PIAS4: variants seen among roughly 807,000 people sequenced by gnomAD.
PIAS4 encodes E3 SUMO-protein ligase PIAS4.
A neutral mutation model predicts 58.0 loss-of-function variants in PIAS4; 7 were observed. The ratio of observed to expected loss-of-function variants is 0.12; its 90% CI spans 0.07 to 0.23. The LOEUF is 0.23. PIAS4 is among the 10% of genes least tolerant of loss of function. The probability of loss-of-function intolerance (pLI) is 1.00; values close to 1 mark genes in which losing one functional copy is unlikely to be tolerated. For synonymous variants in PIAS4, 364 were observed against 312.4 expected (o/e 1.17, Z -1.74); for missense variants, 550 against 709.5 (o/e 0.78, Z 2.55).
At chr19:4,021,610 G>A (rs1371413718) in intron 2 of PIAS4, among the ~76,000 whole-genome samples, 1 of 152,112 alleles carries the variant, frequency 6.6e-6, no homozygotes, top group Non-Finnish European at 1.5e-5. Flanking sequence ...TGGTATCAGA[G>A]TTATGCTGGC....
chr19:4,027,110 C>T (rs34483923), intron 3 of PIAS4, among the ~76,000 whole-genome samples: 5,021 of 152,244 alleles, frequency 0.033, 118 homozygotes, highest in Middle Eastern at 0.085. Context: ...CCTCGGCCTC[C>T]CAAAGTGCTG....
chr19:4,018,135 CTG>C (rs1178757907), intron 2 of PIAS4, among the ~76,000 whole-genome samples: 4 of 152,256 alleles, frequency 2.6e-5, no homozygotes, highest in African/African-American at 4.8e-5. Context: ...TAAAAACTCC[CTG>C]TGTTTCATTT....
At position 4,037,902 on chromosome 19, in the gene PIAS4, G is replaced by T. The variant is rs2040318766; in HGVS notation, c.*27G>T. ...CCCGGCCGCACACTCGACTTTCCTG[G>T]TGCTCACCACGCAGAGGGGCACGGG... On this transcript the variant is annotated 3_prime_UTR_variant, in exon 11 of 11. Coordinates refer to ENST00000262971, the MANE Select transcript of PIAS4 (RefSeq NM_015897.4). The surrounding 1 kb of genome is among the most constrained non-coding windows in gnomAD (Gnocchi z 5.8). 6.4e-7 allele frequency: 1 copy of T among 1,565,790 alleles called. No individual in the cohort carries two copies. The highest frequency in any genetic ancestry group is 8.6e-7 in the Non-Finnish European group (1 of 1,162,126).
rs952697049 is a variant in PIAS4 at position 4,038,082 on chromosome 19, CA to C, written c.*213del. On this transcript the variant is annotated 3_prime_UTR_variant, in exon 11 of 11. Coordinates refer to ENST00000262971, the MANE Select transcript of PIAS4 (RefSeq NM_015897.4). This position sits in a 1 kb window ranked among gnomAD's most constrained non-coding sequence, Gnocchi z 4.1. ...AAAAGTAAAATGACAAAAAAAGATA[CA>C]AAAAAGAAAAATGAAACAAAAAAGT... 1 of 551,320 alleles carries C rather than the reference CA, an allele frequency of 1.8e-6. No homozygotes were observed. The highest frequency in any genetic ancestry group is 3.1e-6 in the Non-Finnish European group (1 of 325,448). The allele number at this position is 551,320 out of a possible 1,614,324, so 34.2% of individuals were successfully genotyped here.
intron 1 of PIAS4, among the ~76,000 whole-genome samples, chr19:4,009,098 C>G (rs1175941531): frequency 6.6e-6 from 1 of 152,082 alleles, no homozygotes; most frequent in Non-Finnish European, 1.5e-5. Flanking sequence ...TTAGAAGTGC[C>G]CGCAAGGCCA....
intron 1 of PIAS4, among the ~76,000 whole-genome samples, chr19:4,009,368 T>G (rs2039972243): frequency 2.0e-5 from 3 of 152,120 alleles, no homozygotes; most frequent in Non-Finnish European, 4.4e-5. Flanking sequence ...AGGCCTGAAC[T>G]CTGTAAACCC....
chr19:4,016,060 G>A (rs558365005), intron 2 of PIAS4, among the ~76,000 whole-genome samples: 3 of 152,346 alleles, frequency 2.0e-5, no homozygotes, highest in African/African-American at 7.2e-5. Flanking sequence ...CTCCCGAGCC[G>A]ACTGGCTCCT....
chr19:4,008,585 C>T (rs1332903296), intron 1 of PIAS4, among the ~76,000 whole-genome samples: 1 of 152,134 alleles, frequency 6.6e-6, no homozygotes, highest in Admixed American at 6.5e-5. Flanking sequence ...TCTTTATTCT[C>T]CTTTTTTTAA....
intron 2 of PIAS4, among the ~76,000 whole-genome samples, chr19:4,015,471 T>C (rs1305833128): frequency 6.6e-6 from 1 of 152,102 alleles, no homozygotes; most frequent in Non-Finnish European, 1.5e-5. Flanking sequence ...CCACCCTGCC[T>C]CTCTCTCCCA....
chr19:4,037,487 G>T lies in PIAS4; in HGVS notation c.1256G>T (p.Gly419Val), dbSNP rs2040311787. Reference sequence around the variant, plus strand: ...AAGGAGCGCAGCTGCAGCCCGCAGGGCGCCATCCTCGTGCTGGGTGAGTGC... The same window carrying T: ...AAGGAGCGCAGCTGCAGCCCGCAGGTCGCCATCCTCGTGCTGGGTGAGTGC... Reference protein sequence around the residue: ...AEKERSCSPQGAILVLGPSDA... With the variant: ...AEKERSCSPQVAILVLGPSDA... The change falls in exon 10 of 11, where the codon GGC becomes GTC. Residue 419 changes from glycine (G) to valine (V), a missense_variant. Physicochemically the swap from Gly to Val is moderately radical, Grantham distance 109. Around this residue, in one of 4 missense-constraint regions of PIAS4, gnomAD observed 188 missense variants for 192.0 expected, o/e 0.98. Coordinates refer to ENST00000262971, the MANE Select transcript of PIAS4 (RefSeq NM_015897.4). This position sits in a 1 kb window ranked among gnomAD's most constrained non-coding sequence, Gnocchi z 5.8. The T allele has an allele frequency of 2.5e-6, 4 of 1,610,810 alleles. No individual in the cohort carries two copies. The highest frequency in any genetic ancestry group is 1.3e-5 in the African/African-American group (1 of 74,916).
chr19:4,030,777 A>G (rs8109122), intron 7 of PIAS4, among the ~76,000 whole-genome samples: 116,838 of 152,152 alleles, frequency 0.77, 49,559 homozygotes, highest in East Asian at 0.96. Context: ...CTTCAGGAGA[A>G]TAGATCTGAG....
Position 4,037,091 on chromosome 19 carries a change from C to G in PIAS4, c.1143-283C>G, listed in dbSNP as rs149869880. On this transcript the variant is annotated intron_variant, in intron 9 of 10. Coordinates refer to ENST00000262971, the MANE Select transcript of PIAS4 (RefSeq NM_015897.4). This position sits in a 1 kb window ranked among gnomAD's most constrained non-coding sequence, Gnocchi z 5.8. ...GGAGGACCCCTGCAGCTGCCACACTCCCTGCTCTTGTGGGTAGTTGGGGGC... is the reference window on the plus strand; with the variant it reads ...GGAGGACCCCTGCAGCTGCCACACTGCCTGCTCTTGTGGGTAGTTGGGGGC... 5.9e-5 allele frequency among the ~76,000 whole-genome samples: 9 copies of G among 152,378 alleles called. No individual in the cohort carries two copies. Among genetic ancestry groups the G allele is most frequent in the Non-Finnish European group, 8.8e-5 (6 of 68,036 alleles).
At position 4,036,618 on chromosome 19, in the gene PIAS4, C is replaced by T. The variant is rs952325049; in HGVS notation, c.1143-756C>T. Among the ~76,000 whole-genome samples the T allele has an allele frequency of 2.8e-4, 39 of 140,758 alleles. 2 individuals carry two copies. The South Asian group carries it at 3.5e-3, about 13-fold the overall frequency. 92.3% of individuals were successfully genotyped at this position (140,758 alleles called of 152,430 possible). On this transcript the variant is annotated intron_variant, in intron 9 of 10. Transcript: ENST00000262971. ...TACACACACACATCTATACAGTCCA[C>T]ACCGTCTCACATCTATACAGTCCAC...
chr19:4,008,329 C>A (rs2039962626), intron 1 of PIAS4, among the ~76,000 whole-genome samples: 2 of 152,094 alleles, frequency 1.3e-5, no homozygotes, highest in Non-Finnish European at 2.9e-5. Context: ...TGGATAGTGT[C>A]CTGCCACCGT....
chr19:4,025,493 C>G (rs1413287938), intron 3 of PIAS4, among the ~76,000 whole-genome samples: 1 of 152,156 alleles, frequency 6.6e-6, no homozygotes, highest in African/African-American at 2.4e-5. Context: ...GGCCGGGCGC[C>G]CCCATTTAAT....
intron 2 of PIAS4, among the ~76,000 whole-genome samples, chr19:4,022,681 TGTTTTTTTGG>T (rs1014069086): frequency 9.9e-5 from 15 of 151,902 alleles, no homozygotes; most frequent in African/African-American, 3.4e-4. Context: ...TTTTTGTTTT[TGTTTTTTTGG>T]GTTTTTTTGG....
At chr19:4,032,615 T>G (rs543946501) in intron 7 of PIAS4, among the ~76,000 whole-genome samples, 1 of 152,362 alleles carries the variant, frequency 6.6e-6, no homozygotes, top group South Asian at 2.1e-4. Flanking sequence ...CACTCCTGTC[T>G]GCAGGCTGCC....
At chr19:4,032,015 G>A (rs953746251) in intron 7 of PIAS4, among the ~76,000 whole-genome samples, 15 of 152,192 alleles carry the variant, frequency 9.9e-5, no homozygotes, top group Admixed American at 9.2e-4. Flanking sequence ...GCTGCTGGGA[G>A]CCAGCACGTG....
chr19:4,031,865 G>A (rs1487066650), intron 7 of PIAS4, among the ~76,000 whole-genome samples: 1 of 152,206 alleles, frequency 6.6e-6, no homozygotes, highest in Non-Finnish European at 1.5e-5. Context: ...AAAATCAGAT[G>A]GGCACCTGCA....
Sources: gnomAD v4.1 joint callset for allele counts (sites outside exome capture counted in the v4.1 genomes callset) on GRCh38, gnomAD v4.1.1 for gene constraint, gnomAD v4.1.1 regional missense constraint, Gnocchi (gnomAD v3.1) non-coding constraint, MANE v1.5 for transcripts, NCBI Gene and HGNC (gene_info 2026-07-23, HGNC 2026-07-21) for gene names.